The following ALDH3A2 variants were observed in gnomAD, a reference collection of about 807,000 sequenced individuals.
ALDH3A2 encodes aldehyde dehydrogenase family 3 member A2.
Under a neutral mutation model 51.3 loss-of-function variants are expected in ALDH3A2, and 36 were observed. The ratio of observed to expected loss-of-function variants is 0.70; its 90% confidence interval spans 0.54 to 0.93. The LOEUF (loss-of-function observed/expected upper bound fraction) is 0.93, where lower values mean the gene tolerates loss of function less well. Among genes scored for constraint, ALDH3A2 ranks in the 40% least tolerant of loss-of-function variants. ALDH3A2 has a pLI of 0.00. For missense variants in ALDH3A2, 552 were observed against 603.1 expected (o/e 0.92, Z 0.89); for synonymous variants, 199 against 219.8 (o/e 0.91, Z 0.84).
rs72547562 is a variant in ALDH3A2 at position 19,656,445 on chromosome 17, C to T, written c.551C>T (p.Thr184Met). 3.7e-5 allele frequency: 59 copies of T among 1,614,048 alleles called. No individual in the cohort carries two copies. Among genetic ancestry groups the T allele is most frequent in the Non-Finnish European group, 4.6e-5 (54 of 1,180,042 alleles). ...LKQRFDHIFY[T>M]GNTAVGKIVM... is the part of the protein sequence containing the mutation. The stretch of plus-strand genomic sequence containing the variant: ...CAGCGATTTGACCACATTTTCTATA[C>T]GGGAAACACTGCGGTTGGCAAAATT... Residue 184 changes from threonine to methionine, a missense_variant, in exon 4 of 10, where the codon ACG becomes ATG. Transcript: ENST00000176643.
Position 19,648,806 on chromosome 17 carries a change from G to A in ALDH3A2, c.-166G>A, listed in dbSNP as rs1045658409. 17 of 958,352 alleles carry A rather than the reference G, an allele frequency of 1.8e-5. No individual in the cohort carries two copies. Among genetic ancestry groups the A allele is most frequent in the African/African-American group, 4.9e-5 (3 of 61,654 alleles). The allele number at this position is 958,352 out of a possible 1,614,324, so 59.4% of individuals were successfully genotyped here. On this transcript the variant is annotated 5_prime_UTR_variant, in exon 1 of 10. Transcript: ENST00000176643. ...GGGACTCAGCGGGCGTGGAGGTCGC[G>A]GCTGAGCGAGCGAGCCCTGGGCGAG...
rs2152326412 is a variant in ALDH3A2 at position 19,651,582 on chromosome 17, T to A, written c.189T>A (p.Thr63=). Residue 63 remains threonine, a synonymous_variant, in exon 2 of 10, where the codon ACT becomes ACA. Transcript: ENST00000176643. The stretch of plus-strand genomic sequence containing the variant: ...ATGTGTACAGTCAGGAAGTCATTAC[T>A]GTCCTTGGGGAAATTGATTTTATGC... ...EFNVYSQEVI[T]VLGEIDFMLE... is the part of the protein sequence containing the mutation. 3 of 1,614,190 alleles carry A rather than the reference T, an allele frequency of 1.9e-6. No homozygotes were observed. Among genetic ancestry groups the A allele is most frequent in the East Asian group, 2.2e-5 (1 of 44,890 alleles).
chr17:19,666,217 T>G (rs1408541362), intron 8 of ALDH3A2, among the ~76,000 whole-genome samples: 1 of 151,808 alleles, frequency 6.6e-6, no homozygotes, highest in Non-Finnish European at 1.5e-5. Flanking sequence ...AGGGGGTGAA[T>G]GAGAGAGGAT....
At chr17:19,673,283 C>A in intron 9 of ALDH3A2, 1 of 1,613,388 alleles carries the variant, frequency 6.2e-7, no homozygotes, top group East Asian at 2.2e-5. Flanking sequence ...GAGGTAGGAA[C>A]TTTTTGTTTT....
At chr17:19,658,138 G>T (rs866195351) in intron 5 of ALDH3A2, among the ~76,000 whole-genome samples, 1 of 152,104 alleles carries the variant, frequency 6.6e-6, no homozygotes, top group Non-Finnish European at 1.5e-5. Context: ...TTAAATAATC[G>T]TGTGTCCGTG....
In ALDH3A2 at chr17:19,651,726, G is replaced by A; in HGVS notation, c.333G>A (p.Trp111Ter). The A allele has an allele frequency of 6.2e-7, 1 of 1,614,170 alleles. No individual in the cohort carries two copies. Among genetic ancestry groups the A allele is most frequent in the East Asian group, 2.2e-5 (1 of 44,894 alleles). The part of the protein sequence containing the change: ...PLGVVLIIGA[W>*]NYPFVLTIQP... ...GAGTGGTGCTGATAATCGGAGCTTGGAATTACCCCTTCGTTCTCACCATTC... is the reference window on the plus strand; with the variant it reads ...GAGTGGTGCTGATAATCGGAGCTTGAAATTACCCCTTCGTTCTCACCATTC... Residue 111 changes from tryptophan to a stop codon, truncating the protein, a stop_gained, in exon 2 of 10, where the codon TGG becomes TGA. Coordinates refer to ENST00000176643, the MANE Select transcript of ALDH3A2 (RefSeq NM_000382.3). LOFTEE classifies it high-confidence loss of function.
chr17:19,648,696 G>A (rs2084767950), upstream of ALDH3A2: 6 of 520,748 alleles, frequency 1.2e-5, no homozygotes, highest in Non-Finnish European at 2.1e-5. Flanking sequence ...GCCGTGAACA[G>A]CGGCTGTCAC....
intron 1 of ALDH3A2, among the ~76,000 whole-genome samples, chr17:19,650,695 C>T (rs559695229): frequency 1.3e-5 from 2 of 152,044 alleles, no homozygotes; most frequent in East Asian, 1.9e-4. Flanking sequence ...CCTTGTGATC[C>T]GCCCGCCTCA....
intron 2 of ALDH3A2, 83 bp from the exon 3 acceptor site, chr17:19,652,464 C>T: frequency 9.9e-7 from 1 of 1,013,104 alleles, no homozygotes; most frequent in South Asian, 1.3e-5. Flanking sequence ...GAGTACCTAG[C>T]CTGTTCTTCC....
At chr17:19,660,687 T>C (rs1258504590) in intron 5 of ALDH3A2, among the ~76,000 whole-genome samples, 1 of 152,168 alleles carries the variant, frequency 6.6e-6, no homozygotes, top group African/African-American at 2.4e-5. Context: ...GGCTAGATGG[T>C]AAATATTTCA....
chr17:19,665,138 G>C, intron 8 of ALDH3A2, 91 bp downstream of exon 8: 1 of 1,155,930 alleles, frequency 8.7e-7, no homozygotes, highest in Non-Finnish European at 1.3e-6. Context: ...ATAGCCAGCT[G>C]TTGCGTACCC....
intron 6 of ALDH3A2, 71 bp from the exon 7 acceptor site, chr17:19,663,261 GA>G (rs2084990436): frequency 6.4e-7 from 1 of 1,550,626 alleles, no homozygotes; most frequent in African/African-American, 1.4e-5. Context: ...GTGACCCAAT[GA>G]AAGAGATGTA....
intron 8 of ALDH3A2, among the ~76,000 whole-genome samples, chr17:19,669,334 G>C (rs1597570633): frequency 6.6e-6 from 1 of 152,066 alleles, no homozygotes; most frequent in South Asian, 2.1e-4. Context: ...AAACACCCTG[G>C]AGTTCACTTT....
At chr17:19,661,032 A>G (rs749510354) in intron 5 of ALDH3A2, 95 bp from the exon 6 acceptor site, 5 of 1,241,680 alleles carry the variant, frequency 4.0e-6, no homozygotes, top group Non-Finnish European at 5.8e-6. Flanking sequence ...AGGATATAAA[A>G]CCAGATTGAT....
rs2084932102 is a variant in ALDH3A2, at chr17:19,658,889, C to T, written c.798+1027C>T. Among the ~76,000 whole-genome samples, 3 of 151,922 alleles carry T rather than the reference C, an allele frequency of 2.0e-5. No homozygotes were observed. In the South Asian group the frequency reaches 6.2e-4, roughly 31 times the overall value. ...TTACTCGACAGATGTTAATTGAGCA[C>T]TAAAAGGAAGGATCAAAAACACCAA... On this transcript the variant is annotated intron_variant, in intron 5 of 9. Coordinates refer to ENST00000176643, the MANE Select transcript of ALDH3A2 (RefSeq NM_000382.3).
At position 19,651,462 on chromosome 17, in the gene ALDH3A2, G is replaced by A. The variant is rs986548815; in HGVS notation, c.154-85G>A. 3.2e-5 allele frequency: 36 copies of A among 1,126,168 alleles called. No individual in the cohort carries two copies. In the African/African-American group the frequency reaches 5.0e-4, roughly 16 times the overall value. 69.8% of individuals were successfully genotyped at this position (1,126,168 alleles called of 1,614,324 possible). ...ATAATGCCAGTTGTTGTCACTACAGGTGTACCTGGTGTGAGTGTTCTGACA... is the reference window on the plus strand; with the variant it reads ...ATAATGCCAGTTGTTGTCACTACAGATGTACCTGGTGTGAGTGTTCTGACA... On this transcript the variant is annotated intron_variant, in intron 1 of 9. Coordinates refer to ENST00000176643, the MANE Select transcript of ALDH3A2 (RefSeq NM_000382.3).
In ALDH3A2 at chr17:19,656,446, G is replaced by A. The variant is rs904950394; in HGVS notation, c.552G>A (p.Thr184=). The part of the protein sequence containing the change: ...LKQRFDHIFY[T]GNTAVGKIVM... ...AGCGATTTGACCACATTTTCTATAC[G>A]GGAAACACTGCGGTTGGCAAAATTG... is the stretch of plus-strand genomic sequence containing the variant. Residue 184 remains threonine, a synonymous_variant, in exon 4 of 10, where the codon ACG becomes ACA. Coordinates refer to ENST00000176643, the MANE Select transcript of ALDH3A2 (RefSeq NM_000382.3). 1.7e-5 allele frequency: 27 copies of A among 1,613,950 alleles called. No individual in the cohort carries two copies. The highest frequency in any genetic ancestry group is 4.0e-5 in the African/African-American group (3 of 74,872).
Position 19,654,853 on chromosome 17 carries a change from C to T in ALDH3A2, c.472-1513C>T, listed in dbSNP as rs898475921. The stretch of plus-strand genomic sequence containing the variant: ...GTGCTGAGAGCGAGCAAGGGTTGCC[C>T]GCACGCTCTCACCTCTCACCCAGCC... On this transcript the variant is annotated intron_variant, in intron 3 of 9. Transcript: ENST00000176643. This position sits in a 1 kb window ranked among gnomAD's most constrained non-coding sequence, Gnocchi z 4.5. Among the ~76,000 whole-genome samples the T allele has an allele frequency of 2.0e-5, 3 of 152,076 alleles. No homozygotes were observed. The highest frequency in any genetic ancestry group is 2.4e-5 in the African/African-American group (1 of 41,416).
At position 19,649,058 on chromosome 17, in the gene ALDH3A2, C is replaced by A; in HGVS notation, c.87C>A (p.Ala29=). The change falls in exon 1 of 10, where the codon GCC becomes GCA. Residue 29 remains alanine (A), a synonymous_variant. Coordinates refer to ENST00000176643, the MANE Select transcript of ALDH3A2 (RefSeq NM_000382.3). Reference sequence around the variant, plus strand: ...GGTTTCGGCTGCAGCAGCTGGAGGCCCTGCGGAGGATGGTGCAGGAGCGCG... The same window carrying A: ...GGTTTCGGCTGCAGCAGCTGGAGGCACTGCGGAGGATGGTGCAGGAGCGCG... ...PLRFRLQQLE[A]LRRMVQEREK... 6.3e-7 allele frequency: 1 copy of A among 1,584,370 alleles called. No individual in the cohort carries two copies. The highest frequency in any genetic ancestry group is 8.6e-7 in the Non-Finnish European group (1 of 1,165,822).
Sources: allele counts gnomAD v4.1 joint callset (sites outside exome capture counted in the v4.1 genomes callset), GRCh38; gene constraint gnomAD v4.1.1; non-coding constraint Gnocchi (gnomAD v3.1); transcripts MANE v1.5; gene names NCBI Gene and HGNC (gene_info 2026-07-23, HGNC 2026-07-21).